The following MARVELD2 variants were observed in gnomAD, a reference collection of about 807,000 sequenced individuals.
MARVELD2 encodes MARVEL domain containing 2.
In MARVELD2, 49 loss-of-function variants were observed where a neutral mutation model predicts 57.6. That is an observed-to-expected ratio of 0.85 (90% CI 0.68 to 1.08). MARVELD2 has a LOEUF of 1.08. MARVELD2 is among the 50% of genes least tolerant of loss of function. The pLI is 0.00. For missense variants in MARVELD2, 606 were observed against 701.1 expected (o/e 0.86, Z 1.53); for synonymous variants, 238 against 258.8 (o/e 0.92, Z 0.77).
chr5:69,439,157 A>C (rs1301188695), intron 5 of MARVELD2, among the ~76,000 whole-genome samples: 1 of 150,620 alleles, frequency 6.6e-6, no homozygotes, highest in East Asian at 2.0e-4. Context: ...TTATTTTATT[A>C]GTTTTTTATT....
rs1459330273 is a variant in MARVELD2, at chr5:69,420,090, C to T, written c.705C>T (p.Gly235=). Residue 235 remains glycine (G), a synonymous_variant, in exon 2 of 7, where the codon GGC becomes GGT. Coordinates refer to ENST00000325631, the MANE Select transcript of MARVELD2 (RefSeq NM_001038603.3). ...ATTCACAACCGTATGGCATGGGAGG[C>T]GTTGGTGGATTGGGCAGTATGTATG... ...FGYSQPYGMG[G]VGGLGSMYGG... The T allele has an allele frequency of 8.1e-6, 13 of 1,614,032 alleles. No homozygotes were observed. The highest frequency in any genetic ancestry group is 2.2e-5 in the South Asian group (2 of 91,068).
intron 1 of MARVELD2, among the ~76,000 whole-genome samples, chr5:69,416,996 CTACATGATTCA>C (rs1766449915): frequency 6.6e-6 from 1 of 152,200 alleles, no homozygotes; most frequent in South Asian, 2.1e-4. Flanking sequence ...TTTCAAGGCC[CTACATGATTCA>C]GATGGCCTCA....
intron 2 of MARVELD2, among the ~76,000 whole-genome samples, chr5:69,420,767 C>T (rs892510620): frequency 1.8e-4 from 27 of 151,598 alleles, no homozygotes; most frequent in African/African-American, 6.1e-4. Context: ...TGCAAGTAGA[C>T]ACCAGATGTG....
Position 69,420,261 on chromosome 5 carries a change from T to G in MARVELD2, c.876T>G (p.Thr292=). Residue 292 remains threonine, a synonymous_variant, in exon 2 of 7, where the codon ACT becomes ACG. Coordinates refer to ENST00000325631, the MANE Select transcript of MARVELD2 (RefSeq NM_001038603.3). The part of the protein sequence containing the change: ...ILLDSNWWPL[T]EFGINVALFI... ...TGGACTCTAATTGGTGGCCCCTAAC[T>G]GAATTTGGAATTAACGTTGCCTTGT... 8 of 1,614,216 alleles carry G rather than the reference T, an allele frequency of 5.0e-6. No individual in the cohort carries two copies. Among genetic ancestry groups the G allele is most frequent in the Non-Finnish European group, 6.8e-6 (8 of 1,180,046 alleles).
chr5:69,431,242 G>A (rs1268576251), intron 3 of MARVELD2, among the ~76,000 whole-genome samples: 1 of 151,528 alleles, frequency 6.6e-6, no homozygotes, highest in Non-Finnish European at 1.5e-5. Flanking sequence ...AGCCTCCCAA[G>A]TAGATGGGAT....
chr5:69,428,983 A>T (rs1766877907), intron 3 of MARVELD2, among the ~76,000 whole-genome samples: 1 of 152,242 alleles, frequency 6.6e-6, no homozygotes, highest in Admixed American at 6.5e-5. Flanking sequence ...GGATGAAGAA[A>T]TGGCATCCTA....
At position 69,443,411 on chromosome 5, in the gene MARVELD2, G is replaced by A. The variant is rs1050386766; in HGVS notation, c.*1757G>A. 1 of 152,104 alleles carries A rather than the reference G, an allele frequency of 6.6e-6. No homozygotes were observed. The highest frequency in any genetic ancestry group is 1.5e-5 in the Non-Finnish European group (1 of 68,052). The allele number at this position is 152,104 out of a possible 1,614,324, so 9.4% of individuals were successfully genotyped here. A position where few individuals can be genotyped will look rare whatever the true frequency, so the allele number is the denominator to read the frequency against. On this transcript the variant is annotated 3_prime_UTR_variant, in exon 7 of 7. Coordinates refer to ENST00000325631, the MANE Select transcript of MARVELD2 (RefSeq NM_001038603.3). The stretch of plus-strand genomic sequence containing the variant: ...GACAGGATTTCACTATGTTGGCCAG[G>A]TTGGTCTCAAGCTCCTGACCTCAGA...
chr5:69,419,517 TC>T lies in MARVELD2; in HGVS notation c.135del (p.Leu46CysfsTer26), dbSNP rs1766534538. 1.2e-6 allele frequency: 2 copies of T among 1,613,910 alleles called. No homozygotes were observed. Among genetic ancestry groups the T allele is most frequent in the Admixed American group, 3.3e-5 (2 of 59,982 alleles). On this transcript the variant is annotated frameshift_variant, in exon 2 of 7. Transcript: ENST00000325631. LOFTEE classifies it high-confidence loss of function. ...ACAGTGAGCGGGCAGTGAGCGCTGA[TC>T]CCTTGCCACCACCCCCTCTCCCATT... ...HDSERAVSAD[P>X]LPPPPLPLQP...
chr5:69,416,379 G>A (rs1165472490), intron 1 of MARVELD2, among the ~76,000 whole-genome samples: 1 of 152,220 alleles, frequency 6.6e-6, no homozygotes, highest in African/African-American at 2.4e-5. Flanking sequence ...TCTAAGGTCG[G>A]AGTGCCCTAT....
chr5:69,435,829 C>T (rs1215069988), intron 5 of MARVELD2, among the ~76,000 whole-genome samples: 2 of 151,364 alleles, frequency 1.3e-5, no homozygotes, highest in African/African-American at 4.8e-5. Context: ...CTCTGTCCAA[C>T]CATTGACAAC....
At chr5:69,416,055 A>G (rs1766402332) in intron 1 of MARVELD2, among the ~76,000 whole-genome samples, 1 of 152,246 alleles carries the variant, frequency 6.6e-6, no homozygotes, top group Non-Finnish European at 1.5e-5. Flanking sequence ...AAAAATGGAT[A>G]GGGTGGTTTG....
Position 69,419,613 on chromosome 5 carries a change from A to C in MARVELD2, c.228A>C (p.Lys76Asn), listed in dbSNP as rs1766541163. ...TEEPAIAPDL[K>N]PVRRFVPDSW... ...AACCAGCTATAGCGCCAGATCTCAA[A>C]CCAGTAAGGCGCTTTGTCCCTGACT... is the stretch of plus-strand genomic sequence containing the variant. Residue 76 changes from lysine to asparagine, a missense_variant, in exon 2 of 7, where the codon AAA becomes AAC. Coordinates refer to ENST00000325631, the MANE Select transcript of MARVELD2 (RefSeq NM_001038603.3). 2 of 1,614,110 alleles carry C rather than the reference A, an allele frequency of 1.2e-6. No individual in the cohort carries two copies. The highest frequency in any genetic ancestry group is 3.3e-5 in the Admixed American group (2 of 60,008).
Position 69,444,077 on chromosome 5 carries a change from T to G in MARVELD2, c.*2423T>G, listed in dbSNP as rs1431143373. 2 of 145,348 alleles carry G rather than the reference T, an allele frequency of 1.4e-5. No homozygotes were observed. Among genetic ancestry groups the G allele is most frequent in the African/African-American group, 5.0e-5 (2 of 39,798 alleles). 9.0% of individuals were successfully genotyped at this position (145,348 alleles called of 1,614,324 possible). A position where few individuals can be genotyped will look rare whatever the true frequency, so the allele number is the denominator to read the frequency against. On this transcript the variant is annotated 3_prime_UTR_variant, in exon 7 of 7. Coordinates refer to ENST00000325631, the MANE Select transcript of MARVELD2 (RefSeq NM_001038603.3). ...AAAGAGTTAGATTCCTGTTGAAGTG[T>G]TAAGGAAATTTAACTTTGTGAAACT... is the stretch of plus-strand genomic sequence containing the variant.
rs376484431 is a variant in MARVELD2, at chr5:69,419,402, G to A, written c.17G>A (p.Arg6Lys). Residue 6 changes from arginine to lysine, a missense_variant, in exon 2 of 7, where the codon AGA becomes AAA. Transcript: ENST00000325631. MSNDG[R>K]SRNRDRRYDE... is the part of the protein sequence containing the mutation. Reference sequence around the variant, plus strand: ...AAATCACAAATGTCAAATGATGGAAGATCCAGGAATCGGGACAGGCGCTAC... The same window carrying A: ...AAATCACAAATGTCAAATGATGGAAAATCCAGGAATCGGGACAGGCGCTAC... 1.6e-4 allele frequency: 255 copies of A among 1,614,038 alleles called. No individual in the cohort carries two copies. The highest frequency in any genetic ancestry group is 2.1e-4 in the Non-Finnish European group (250 of 1,180,038).
intron 5 of MARVELD2, among the ~76,000 whole-genome samples, chr5:69,437,160 G>A (rs1420936871): frequency 2.0e-5 from 3 of 146,962 alleles, no homozygotes; most frequent in Non-Finnish European, 4.5e-5. Flanking sequence ...CTACACTCCA[G>A]CCTGGGCGAC....
chr5:69,422,310 CA>C (rs1033847982), intron 2 of MARVELD2, among the ~76,000 whole-genome samples: 3 of 152,202 alleles, frequency 2.0e-5, no homozygotes, highest in African/African-American at 7.2e-5. Flanking sequence ...TCTCTTCTTT[CA>C]AAAGCAAATA....
intron 5 of MARVELD2, among the ~76,000 whole-genome samples, chr5:69,435,058 T>C (rs931581006): frequency 2.0e-5 from 3 of 148,536 alleles, no homozygotes; most frequent in African/African-American, 7.5e-5. Flanking sequence ...AGTCTTGCTC[T>C]GTCACCCAGA....
chr5:69,428,099 A>G (rs1766852290), intron 3 of MARVELD2, among the ~76,000 whole-genome samples: 3 of 151,952 alleles, frequency 2.0e-5, no homozygotes, highest in South Asian at 4.2e-4. Flanking sequence ...TGACAGAGCG[A>G]GACTATGTCT....
At chr5:69,431,402 C>T (rs149587821) in intron 3 of MARVELD2, among the ~76,000 whole-genome samples, 177 of 152,250 alleles carry the variant, frequency 1.2e-3, no homozygotes, top group African/African-American at 4.0e-3. Context: ...CATGAGCCAC[C>T]GTGCCCGGCC....
Sources: gnomAD v4.1 joint callset for allele counts (sites outside exome capture counted in the v4.1 genomes callset) on GRCh38, gnomAD v4.1.1 for gene constraint, MANE v1.5 for transcripts, NCBI Gene and HGNC (gene_info 2026-07-23, HGNC 2026-07-21) for gene names.